Variants in KNSTRN observed in about 807,000 individuals in gnomAD.
KNSTRN encodes small kinetochore-associated protein.
In KNSTRN, 38 loss-of-function variants were observed where a neutral mutation model predicts 44.7. That is an observed-to-expected ratio of 0.85 (90% confidence interval 0.66 to 1.11). The LOEUF is 1.11. KNSTRN is among the 50% of genes most tolerant of loss of function. The pLI is 0.00. For synonymous variants in KNSTRN, 158 were observed against 148.1 expected (o/e 1.07, Z -0.48); for missense variants, 406 against 375.8 (o/e 1.08, Z -0.66).
chr15:40,383,553 CA>C, intron 2 of KNSTRN: 1 of 475,644 alleles, frequency 2.1e-6, no homozygotes, highest in Non-Finnish European at 3.8e-6. Context: ...GTACTGTATT[CA>C]TCAGTTAGAT....
At chr15:40,386,303 CA>C in intron 2 of KNSTRN, 58 bp from the exon 3 acceptor site, 1 of 1,548,244 alleles carries the variant, frequency 6.5e-7, no homozygotes, top group South Asian at 1.2e-5. Context: ...CTGTTTGTTA[CA>C]GGGTTGCAAC....
intron 2 of KNSTRN, 146 bp downstream of exon 2, chr15:40,383,468 G>A (rs1889851020): frequency 1.6e-6 from 1 of 613,724 alleles, no homozygotes; most frequent in Non-Finnish European, 2.9e-6. Flanking sequence ...AGGCTATGTA[G>A]GTTTATGATG....
intron 4 of KNSTRN, among the ~76,000 whole-genome samples, chr15:40,388,411 G>C (rs544589596): frequency 9.8e-5 from 15 of 152,328 alleles, no homozygotes; most frequent in Admixed American, 9.1e-4. Flanking sequence ...GCTTAAGAAT[G>C]CCTTTAAGGG....
chr15:40,389,642 C>T (rs1214273411), intron 5 of KNSTRN, 31 bp downstream of exon 5: 1 of 1,518,352 alleles, frequency 6.6e-7, no homozygotes, highest in Non-Finnish European at 9.1e-7. Context: ...CTGTTACCAG[C>T]TGCCACTGGG....
intron 6 of KNSTRN, among the ~76,000 whole-genome samples, chr15:40,390,737 C>G (rs1442810468): frequency 1.3e-5 from 2 of 152,022 alleles, no homozygotes; most frequent in Admixed American, 6.6e-5. Context: ...GCCTCAGCCT[C>G]CTGAGTAGCT....
At chr15:40,390,490 C>T (rs1296355638) in intron 6 of KNSTRN, among the ~76,000 whole-genome samples, 1 of 152,230 alleles carries the variant, frequency 6.6e-6, no homozygotes, top group Non-Finnish European at 1.5e-5. Flanking sequence ...TGCCCAAAGA[C>T]TGTAAGAGGG....
In KNSTRN at chr15:40,384,242, C is replaced by T. The variant is rs557926053; in HGVS notation, c.304+920C>T. 5.0e-3 allele frequency: 1,406 copies of T among 281,384 alleles called. 23 individuals are homozygous for T. The highest frequency in any genetic ancestry group is 0.024 in the South Asian group (834 of 35,314). 17.4% of individuals were successfully genotyped at this position (281,384 alleles called of 1,614,324 possible). A position where few individuals can be genotyped will look rare whatever the true frequency, so the allele number is the denominator to read the frequency against. ...ACAAAAACTTAGCCGGGCGTGGTGG[C>T]GGGCGCCTGTAGTCCCAGCTACTTG... On this transcript the variant is annotated intron_variant, in intron 2 of 8. Coordinates refer to ENST00000249776, the MANE Select transcript of KNSTRN (RefSeq NM_033286.4).
intron 2 of KNSTRN, among the ~76,000 whole-genome samples, chr15:40,385,207 C>G (rs1889882698): frequency 6.6e-6 from 1 of 152,122 alleles, no homozygotes; most frequent in African/African-American, 2.4e-5. Context: ...TCCAGAAAAG[C>G]CTGCATGTGA....
intron 1 of KNSTRN, 28 bp from the exon 2 acceptor site, chr15:40,383,200 T>A (rs200700385): frequency 6.2e-7 from 1 of 1,608,356 alleles, no homozygotes; most frequent in Non-Finnish European, 8.5e-7. Flanking sequence ...GGCCCAGCGC[T>A]GGGTAACATT....
intron 4 of KNSTRN, 200 bp from the exon 5 acceptor site, chr15:40,389,306 G>A (rs769895900): frequency 1.9e-4 from 100 of 521,562 alleles, no homozygotes; most frequent in Non-Finnish European, 3.3e-4. Flanking sequence ...GCGCCACCAC[G>A]CCTGACTAAT....
intron 2 of KNSTRN, 139 bp from the exon 3 acceptor site, chr15:40,386,223 T>C: frequency 3.3e-6 from 3 of 917,718 alleles, no homozygotes; most frequent in Non-Finnish European, 4.6e-6. Flanking sequence ...CAAGACTCTG[T>C]CTCAAAAAAA....
rs757903264 is a variant in KNSTRN at position 40,382,856 on chromosome 15, G to GC, written c.25dup (p.Leu9ProfsTer22). On this transcript the variant is annotated frameshift_variant, in exon 1 of 9. Transcript: ENST00000249776. LOFTEE classifies it high-confidence loss of function. ...ACAGTATGGCGGCTCCCGAAGCCCC[G>GC]CCCCTGGACAGAGTTTTCCGTACAA... The GC allele has an allele frequency of 4.6e-5, 74 of 1,603,566 alleles. No individual in the cohort carries two copies. The highest frequency in any genetic ancestry group is 6.0e-5 in the Non-Finnish European group (70 of 1,173,990).
At position 40,392,042 on chromosome 15, in the gene KNSTRN, C is replaced by T. The variant is rs1403802079; in HGVS notation, c.822+19C>T. 7 of 1,561,700 alleles carry T rather than the reference C, an allele frequency of 4.5e-6. No individual in the cohort carries two copies. In the South Asian group the frequency reaches 8.3e-5, roughly 19 times the overall value. On this transcript the variant is annotated intron_variant, in intron 8 of 8. Coordinates refer to ENST00000249776, the MANE Select transcript of KNSTRN (RefSeq NM_033286.4). ...GTTACAGGTGAGAGGCAGACATCAC[C>T]CTGACCATTTCCTACCATGATAGGT...
At chr15:40,391,693 A>G in intron 7 of KNSTRN, 139 bp downstream of exon 7, 1 of 744,516 alleles carries the variant, frequency 1.3e-6, no homozygotes, top group Non-Finnish European at 2.2e-6. Context: ...GAGAAATGGG[A>G]TGTGTACTCA....
chr15:40,387,559 C>CTGG (rs1018321127), intron 4 of KNSTRN, among the ~76,000 whole-genome samples: 10 of 152,256 alleles, frequency 6.6e-5, no homozygotes, highest in South Asian at 4.1e-4. Flanking sequence ...GATGAAGATT[C>CTGG]TGGTGGTGGT....
At chr15:40,392,113 A>C (rs1036728847) in intron 8 of KNSTRN, 90 bp downstream of exon 8, 1 of 777,528 alleles carries the variant, frequency 1.3e-6, no homozygotes, top group Non-Finnish European at 2.0e-6. Context: ...ATTTTTAATA[A>C]ACTTTCTAAA....
At position 40,394,052 on chromosome 15, in the gene KNSTRN, C is replaced by A; in HGVS notation, c.*455C>A. 1 of 153,540 alleles carries A rather than the reference C, an allele frequency of 6.5e-6. No homozygotes were observed. Among genetic ancestry groups the A allele is most frequent in the Admixed American group, 6.5e-5 (1 of 15,436 alleles). The allele number at this position is 153,540 out of a possible 1,614,324, so 9.5% of individuals were successfully genotyped here. A position where few individuals can be genotyped will look rare whatever the true frequency, so the allele number is the denominator to read the frequency against. ...CCTTCTAACCTGAAACACATTCTTTCCCATCCTGGTTGGGCTTCTGTACCT... is the reference window on the plus strand; with the variant it reads ...CCTTCTAACCTGAAACACATTCTTTACCATCCTGGTTGGGCTTCTGTACCT... On this transcript the variant is annotated 3_prime_UTR_variant, in exon 9 of 9. Transcript: ENST00000249776.
At chr15:40,392,107 T>G in intron 8 of KNSTRN, 84 bp downstream of exon 8, 2 of 806,556 alleles carry the variant, frequency 2.5e-6, no homozygotes, top group Non-Finnish European at 3.8e-6. Context: ...CTATTTATTT[T>G]TAATAAACTT....
chr15:40,386,983 T>C, intron 3 of KNSTRN, 176 bp from the exon 4 acceptor site: 1 of 624,508 alleles, frequency 1.6e-6, no homozygotes, highest in Non-Finnish European at 2.9e-6. Context: ...AAAAGCCTTT[T>C]CAATAATCTG....
Sources: gnomAD v4.1 joint callset for allele counts (sites outside exome capture counted in the v4.1 genomes callset) on GRCh38, gnomAD v4.1.1 for gene constraint, MANE v1.5 for transcripts, NCBI Gene and HGNC (gene_info 2026-07-23, HGNC 2026-07-21) for gene names.